Variants in TNIK observed in about 807,000 individuals in gnomAD.
TNIK encodes TRAF2 and NCK-interacting protein kinase.
Under a neutral mutation model 191.3 loss-of-function variants are expected in TNIK, and 49 were observed. The observed-to-expected ratio is 0.26, with a 90% CI of 0.20 to 0.32. The LOEUF is 0.32. TNIK is among the 10% of genes least tolerant of loss of function. The pLI is 1.00. For missense variants in TNIK, 1,155 were observed against 1,702.3 expected, an observed-to-expected ratio of 0.68 and a Z score of 5.66; for synonymous variants, 594 against 600.9, an observed-to-expected ratio of 0.99 and a Z score of 0.17.
At chr3:171,157,305 T>C (rs1212532391) in intron 12 of TNIK, among the ~76,000 whole-genome samples, 155 bp downstream of exon 12, 1 of 152,214 alleles carries the variant, frequency 6.6e-6, no homozygotes, top group Non-Finnish European at 1.5e-5. Flanking sequence ...CTTTTGTTTG[T>C]AAGAGCATTC....
chr3:171,178,631 G>A (rs1024487793), intron 7 of TNIK, among the ~76,000 whole-genome samples: 9 of 152,140 alleles, frequency 5.9e-5, no homozygotes, highest in Non-Finnish European at 1.3e-4. Flanking sequence ...TCAAGAGATG[G>A]GGAAAACCTG....
chr3:171,155,773 A>G (rs1231702215), intron 12 of TNIK, among the ~76,000 whole-genome samples: 1 of 152,244 alleles, frequency 6.6e-6, no homozygotes, highest in Non-Finnish European at 1.5e-5. Context: ...TGTTCAGGAT[A>G]AAAGACTATA....
intron 4 of TNIK, among the ~76,000 whole-genome samples, chr3:171,205,633 TTC>T (rs1739963036): frequency 6.6e-6 from 1 of 152,202 alleles, no homozygotes; most frequent in African/African-American, 2.4e-5. Context: ...GGTCTCCTGT[TTC>T]TCTCCTTGAC....
chr3:171,241,544 T>C (rs1744993668), intron 2 of TNIK, among the ~76,000 whole-genome samples: 1 of 152,234 alleles, frequency 6.6e-6, no homozygotes, highest in Non-Finnish European at 1.5e-5. Context: ...AACAGAAGTG[T>C]AAATTAAAAT....
At chr3:171,446,959 G>A (rs894290779) in intron 1 of TNIK, among the ~76,000 whole-genome samples, 1 of 152,244 alleles carries the variant, frequency 6.6e-6, no homozygotes, top group Non-Finnish European at 1.5e-5. Flanking sequence ...GGGAAGCTGA[G>A]GCGGGCGGAT....
chr3:171,257,432 C>T (rs758594259), intron 2 of TNIK, among the ~76,000 whole-genome samples: 8 of 152,210 alleles, frequency 5.3e-5, no homozygotes, highest in African/African-American at 1.9e-4. Flanking sequence ...ATCTCCCCAT[C>T]TCAGATAGGA....
At position 171,068,946 on chromosome 3, in the gene TNIK, C is replaced by T. The variant is rs1484378888; in HGVS notation, c.3601G>A (p.Glu1201Lys). Residue 1201 changes from glutamate to lysine, a missense_variant, in exon 30 of 33, where the codon GAA becomes AAA. Around this residue, in one of 3 missense-constraint regions of TNIK, gnomAD observed 195 missense variants for 415.4 expected, o/e 0.47. Transcript: ENST00000436636. ...AAAATAACCTTTAATCTTTGACCTT[C>T]TTCTACCGTGAGATCAACTAGCAGA... ...KPLLVDLTVE[E>K]GQRLKVIFGS... is the part of the protein sequence containing the mutation. 1 of 1,613,712 alleles carries T rather than the reference C, an allele frequency of 6.2e-7. No individual in the cohort carries two copies.
At chr3:171,186,246 C>T (rs1035734895) in intron 7 of TNIK, among the ~76,000 whole-genome samples, 4 of 152,114 alleles carry the variant, frequency 2.6e-5, no homozygotes, top group Non-Finnish European at 5.9e-5. Flanking sequence ...TATATGGTGC[C>T]AAGAAAGAAG....
intron 18 of TNIK, among the ~76,000 whole-genome samples, chr3:171,120,939 T>A (rs2108550355): frequency 6.6e-6 from 1 of 152,244 alleles, no homozygotes; most frequent in East Asian, 1.9e-4. Context: ...GTCAGGCGGT[T>A]TTGGTTTGAG....
At chr3:171,113,277 A>C (rs1726135182) in intron 18 of TNIK, among the ~76,000 whole-genome samples, 2 of 152,100 alleles carry the variant, frequency 1.3e-5, no homozygotes, top group Non-Finnish European at 2.9e-5. Context: ...TTAGGCTATT[A>C]CCGACGGGTA....
At chr3:171,125,440 T>C (rs536941046) in intron 17 of TNIK, among the ~76,000 whole-genome samples, 5 of 152,298 alleles carry the variant, frequency 3.3e-5, no homozygotes, top group East Asian at 3.9e-4. Context: ...TTCCTTAAAA[T>C]GGGGCCAACT....
intron 15 of TNIK, among the ~76,000 whole-genome samples, chr3:171,133,482 G>A (rs1455713415): frequency 6.6e-6 from 1 of 152,194 alleles, no homozygotes; most frequent in Non-Finnish European, 1.5e-5. Context: ...TGTGTAGTAT[G>A]TAACTTTAAA....
intron 1 of TNIK, among the ~76,000 whole-genome samples, chr3:171,371,935 T>TA (rs201049961): frequency 3.4e-4 from 41 of 121,026 alleles, no homozygotes; most frequent in South Asian, 1.4e-3. Flanking sequence ...TTTTCTTAAC[T>TA]AAAAAAAAAA....
At chr3:171,157,946 A>T (rs1733443852) in intron 11 of TNIK, among the ~76,000 whole-genome samples, 3 of 152,166 alleles carry the variant, frequency 2.0e-5, no homozygotes, top group Admixed American at 2.0e-4. Flanking sequence ...GACTGTCCAC[A>T]CCACTCCCTC....
In TNIK at chr3:171,206,935, A is replaced by G. The variant is rs535195140; in HGVS notation, c.306+4181T>C. On this transcript the variant is annotated intron_variant, in intron 4 of 32. Transcript: ENST00000436636. ...CTATCTGGCCCATCTCACAAAATGAATGAAATTAATAGCTAGGTGTGGCTC... is the reference window on the plus strand; with the variant it reads ...CTATCTGGCCCATCTCACAAAATGAGTGAAATTAATAGCTAGGTGTGGCTC... Among the ~76,000 whole-genome samples, 25 of 152,304 alleles carry G rather than the reference A, an allele frequency of 1.6e-4. No homozygotes were observed. In the South Asian group the frequency reaches 5.2e-3, roughly 32 times the overall value.
intron 11 of TNIK, among the ~76,000 whole-genome samples, chr3:171,158,682 C>T (rs1043256190): frequency 2.0e-5 from 3 of 152,204 alleles, no homozygotes; most frequent in Non-Finnish European, 4.4e-5. Context: ...TAAATTCTCC[C>T]TTTAAAGTTA....
At chr3:171,115,927 G>C (rs550465517) in intron 18 of TNIK, among the ~76,000 whole-genome samples, 9 of 152,194 alleles carry the variant, frequency 5.9e-5, no homozygotes, top group African/African-American at 2.2e-4. Flanking sequence ...TGGGCTCAGA[G>C]TCTCATCCTG....
chr3:171,447,829 G>A (rs904509175), intron 1 of TNIK, among the ~76,000 whole-genome samples: 6 of 152,110 alleles, frequency 3.9e-5, no homozygotes, highest in African/African-American at 1.4e-4. Flanking sequence ...TGGAAAGTTA[G>A]AAATAACCTC....
chr3:171,133,519 A>G (rs545523292), intron 15 of TNIK, among the ~76,000 whole-genome samples: 1 of 152,228 alleles, frequency 6.6e-6, no homozygotes, highest in Non-Finnish European at 1.5e-5. Flanking sequence ...ATTATTGCCC[A>G]TGAGCTTCCC....
Sources: allele counts gnomAD v4.1 joint callset (sites outside exome capture counted in the v4.1 genomes callset), GRCh38; gene constraint gnomAD v4.1.1; regional missense constraint gnomAD v4.1.1; transcripts MANE v1.5; gene names NCBI Gene and HGNC (gene_info 2026-07-23, HGNC 2026-07-21).